Variants in RAB27B observed in about 807,000 individuals in gnomAD.
RAB27B encodes the protein ras-related protein Rab-27B.
Under a neutral mutation model 24.6 loss-of-function variants are expected in RAB27B, and 15 were observed. That is an observed-to-expected ratio of 0.61 (90% CI 0.41 to 0.94). RAB27B has a LOEUF of 0.94. Ranked by LOEUF, RAB27B falls within the 40% of genes least tolerant of loss-of-function variation. RAB27B has a pLI of 0.00. For missense variants in RAB27B, 261 were observed against 266.8 expected (o/e 0.98, Z 0.15); for synonymous variants, 105 against 92.5 (o/e 1.14, Z -0.78).
chr18:54,858,530 C>A (rs1302470228), intron 1 of RAB27B, among the ~76,000 whole-genome samples: 6 of 150,324 alleles, frequency 4.0e-5, no homozygotes, highest in Non-Finnish European at 7.5e-5. Flanking sequence ...ACTACAGGTG[C>A]CTGCCAGTAC....
chr18:54,833,318 C>T (rs538522726), intron 1 of RAB27B, among the ~76,000 whole-genome samples: 16 of 149,734 alleles, frequency 1.1e-4, no homozygotes, highest in Admixed American at 7.4e-4. Flanking sequence ...TCTCCCTCCC[C>T]GGGGTTCAAG....
chr18:54,735,594 C>A lies in RAB27B; in HGVS notation c.-20+17453C>A, dbSNP rs201080401. Among the ~76,000 whole-genome samples, 15 of 152,230 alleles carry A rather than the reference C, an allele frequency of 9.9e-5. No homozygotes were observed. The East Asian group carries it at 2.9e-3, about 29-fold the overall frequency. ...TGGAGTACATCTCAGCTCACTGCAA[C>A]CTCCGCCTCCTGGGTTCAAGCAATT... On this transcript the variant is annotated intron_variant, in intron 2 of 4. Coordinates refer to the RAB27B transcript ENST00000586570.
At chr18:54,847,300 C>G (rs146569055) in intron 1 of RAB27B, among the ~76,000 whole-genome samples, 1 of 152,256 alleles carries the variant, frequency 6.6e-6, no homozygotes, top group East Asian at 1.9e-4. Flanking sequence ...GTGAAATTAT[C>G]CTAATGATGG....
At chr18:54,786,878 A>G (rs1476920370) in intron 2 of RAB27B, among the ~76,000 whole-genome samples, 1 of 152,240 alleles carries the variant, frequency 6.6e-6, no homozygotes, top group Admixed American at 6.5e-5. Context: ...AATTTATTGC[A>G]AGGTGTTTGC....
At chr18:54,768,938 G>T (rs1037810938) in intron 2 of RAB27B, among the ~76,000 whole-genome samples, 6 of 152,074 alleles carry the variant, frequency 3.9e-5, no homozygotes, top group Non-Finnish European at 7.4e-5. Context: ...CGAGGTGAGG[G>T]TTGGGTGGGG....
chr18:54,845,405 CA>C (rs66477137), intron 1 of RAB27B, among the ~76,000 whole-genome samples: 5 of 118,892 alleles, frequency 4.2e-5, no homozygotes, highest in African/African-American at 1.6e-4. Context: ...GACTCCATCT[CA>C]AAAAAAAAAA....
chr18:54,729,894 T>C (rs1373440765), intron 2 of RAB27B, among the ~76,000 whole-genome samples: 1 of 152,188 alleles, frequency 6.6e-6, no homozygotes, highest in Non-Finnish European at 1.5e-5. Flanking sequence ...AGCCTCACAT[T>C]AGTGATTGTT....
At chr18:54,843,009 G>T (rs1404675039) in intron 1 of RAB27B, among the ~76,000 whole-genome samples, 2 of 152,116 alleles carry the variant, frequency 1.3e-5, no homozygotes, top group African/African-American at 2.4e-5. Context: ...TGTTAGCCAG[G>T]ATGGTCTCCA....
chr18:54,804,142 A>G (rs1257990619), intron 2 of RAB27B, among the ~76,000 whole-genome samples: 1 of 152,210 alleles, frequency 6.6e-6, no homozygotes, highest in Non-Finnish European at 1.5e-5. Context: ...TAAATTCTCC[A>G]TGAGATGCCT....
rs2145271715 is a variant in RAB27B, at chr18:54,877,628, C to T, written c.43C>T (p.Leu15Phe). The change falls in exon 2 of 6, where the codon CTC becomes TTC. Residue 15 changes from leucine to phenylalanine, a missense_variant. Coordinates refer to ENST00000262094, the MANE Select transcript of RAB27B (RefSeq NM_004163.4). ...DYDYLIKLLA[L>F]GDSGVGKTTF... ...TGATTATCTGATCAAACTCCTGGCC[C>T]TCGGGGATTCAGGGGTGGGGAAGAC... is the stretch of plus-strand genomic sequence containing the variant. 1.3e-6 allele frequency: 2 copies of T among 1,591,562 alleles called. No individual in the cohort carries two copies. The highest frequency in any genetic ancestry group is 1.7e-6 in the Non-Finnish European group (2 of 1,173,514).
chr18:54,722,529 C>T (rs1008963780), intron 2 of RAB27B, among the ~76,000 whole-genome samples: 14 of 152,046 alleles, frequency 9.2e-5, no homozygotes, highest in African/African-American at 2.2e-4. Context: ...AAGTTGAGTG[C>T]GATGCACATG....
chr18:54,778,972 T>A (rs1358188744), intron 2 of RAB27B, among the ~76,000 whole-genome samples: 1 of 152,064 alleles, frequency 6.6e-6, no homozygotes, highest in Non-Finnish European at 1.5e-5. Flanking sequence ...CCTGAGTAGC[T>A]GGGACTACAG....
chr18:54,820,925 G>A (rs1365072731), intron 2 of RAB27B, among the ~76,000 whole-genome samples: 1 of 152,148 alleles, frequency 6.6e-6, no homozygotes, highest in African/African-American at 2.4e-5. Context: ...TCAGATGGTT[G>A]TAGATATGCG....
intron 1 of RAB27B, among the ~76,000 whole-genome samples, chr18:54,865,578 C>T (rs1912185350): frequency 6.6e-6 from 1 of 152,144 alleles, no homozygotes; most frequent in Non-Finnish European, 1.5e-5. Flanking sequence ...TTTTCCCCTT[C>T]CTTGTCATCA....
In RAB27B at chr18:54,781,999, T is replaced by C. The variant is rs143354310; in HGVS notation, c.-20+63858T>C. 1.2e-3 allele frequency among the ~76,000 whole-genome samples: 190 copies of C among 152,340 alleles called. 3 individuals carry two copies. Among genetic ancestry groups the C allele is most frequent in the East Asian group, 6.0e-3 (31 of 5,190 alleles). On this transcript the variant is annotated intron_variant, in intron 2 of 4. Transcript: ENST00000586570. ...AATTTTAATGAGTTCAAAAGTTAAA[T>C]GTTTTTGAATTTATTAATTATAGGG...
chr18:54,863,540 C>G (rs1912089240), intron 1 of RAB27B, among the ~76,000 whole-genome samples: 1 of 152,100 alleles, frequency 6.6e-6, no homozygotes, highest in Non-Finnish European at 1.5e-5. Flanking sequence ...ATCATAAAAT[C>G]TACCCTTTTA....
chr18:54,773,481 T>C (rs1908617161), intron 2 of RAB27B, among the ~76,000 whole-genome samples: 1 of 152,196 alleles, frequency 6.6e-6, no homozygotes, highest in African/African-American at 2.4e-5. Flanking sequence ...AGTTTCATTC[T>C]ATGATGCAGT....
chr18:54,845,457 C>T (rs965236488), intron 1 of RAB27B, among the ~76,000 whole-genome samples: 3 of 150,932 alleles, frequency 2.0e-5, no homozygotes, highest in Non-Finnish European at 4.4e-5. Context: ...TACGTCCCTT[C>T]GGATACCTCT....
chr18:54,783,519 T>C (rs948753141), intron 2 of RAB27B, among the ~76,000 whole-genome samples: 1 of 144,998 alleles, frequency 6.9e-6, no homozygotes, highest in African/African-American at 2.5e-5. Flanking sequence ...ATGTATAGCA[T>C]AATACATAGT....
Sources: allele counts gnomAD v4.1 joint callset (sites outside exome capture counted in the v4.1 genomes callset), GRCh38; gene constraint gnomAD v4.1.1; transcripts MANE v1.5; gene names NCBI Gene and HGNC (gene_info 2026-07-23, HGNC 2026-07-21).